Variants in FCGR1A observed in about 807,000 individuals in gnomAD.
FCGR1A encodes the protein high affinity immunoglobulin gamma Fc receptor I.
FCGR1A carries 13 observed loss-of-function variants against 35.0 expected under a neutral mutation model. That is an observed-to-expected ratio of 0.37 (90% confidence interval 0.24 to 0.59). The LOEUF is 0.59. Among genes scored for constraint, FCGR1A ranks in the 20% least tolerant of loss-of-function variants. The pLI is 0.71. For synonymous variants in FCGR1A, 91 were observed against 164.7 expected (o/e 0.55, Z 3.43); for missense variants, 227 against 430.0 (o/e 0.53, Z 4.17).
rs1553751577 is a variant in FCGR1A at position 149,790,252 on chromosome 1, A to T, written c.758A>T (p.Glu253Val). Reference sequence around the variant, plus strand: ...TACCAAATACTAACTGCTAGAAGAGAAGACTCTGGGTTATACTGGTGCGAG... The same window carrying T: ...TACCAAATACTAACTGCTAGAAGAGTAGACTCTGGGTTATACTGGTGCGAG... The part of the protein sequence containing the change: ...SEYQILTARR[E>V]DSGLYWCEAA... The change falls in exon 5 of 6, where the codon GAA (glutamate) becomes GTA (valine). Residue 253 changes from glutamate to valine, a missense_variant. Around this residue, in one of 3 missense-constraint regions of FCGR1A, gnomAD observed 185 missense variants for 306.6 expected, o/e 0.60. Coordinates refer to ENST00000369168, the MANE Select transcript of FCGR1A (RefSeq NM_000566.4). 1 of 1,605,710 alleles carries T rather than the reference A, an allele frequency of 6.2e-7. No individual in the cohort carries two copies. The highest frequency in any genetic ancestry group is 1.7e-5 in the Admixed American group (1 of 58,700).
downstream of FCGR1A, chr1:149,794,058 C>G (rs1553752538): frequency 1.8e-6 from 1 of 547,794 alleles, no homozygotes; most frequent in African/African-American, 1.9e-5. Context: ...CTCACTGCCA[C>G]CAGGCTTAGT....
intron 3 of FCGR1A, chr1:149,786,018 T>C (rs1255132168): frequency 6.6e-6 from 1 of 152,134 alleles, no homozygotes; most frequent in Non-Finnish European, 1.5e-5. Context: ...TTTCCCATTC[T>C]GCTGAGGGGC....
downstream of FCGR1A, chr1:149,794,006 T>G (rs1189433011): frequency 1.3e-6 from 1 of 799,962 alleles, no homozygotes; most frequent in African/African-American, 1.8e-5. Context: ...CCAGACAGAA[T>G]GGAGGTATAG....
chr1:149,785,879 T>C (rs2091536288), intron 3 of FCGR1A: 1 of 152,112 alleles, frequency 6.6e-6, no homozygotes, highest in Non-Finnish European at 1.5e-5. Flanking sequence ...GAACTTCATA[T>C]AAAGGGCTAC....
downstream of FCGR1A, chr1:149,793,260 C>T (rs1170462657): frequency 4.0e-6 from 5 of 1,244,922 alleles, no homozygotes; most frequent in East Asian, 7.3e-5. Flanking sequence ...AGGGAGGGAG[C>T]GGGTGGGGAG....
At chr1:149,790,370 A>C (rs1553751641) in intron 5 of FCGR1A, 32 bp downstream of exon 5, 3 of 1,567,354 alleles carry the variant, frequency 1.9e-6, no homozygotes, top group Non-Finnish European at 2.6e-6. Context: ...CCACTGGCAC[A>C]GAAGAAGGGA....
chr1:149,786,952 A>C (rs1190158029), intron 3 of FCGR1A: 8 of 152,150 alleles, frequency 5.3e-5, no homozygotes, highest in Non-Finnish European at 8.8e-5. Context: ...GTGTTTGAAA[A>C]GCATATGAAT....
At chr1:149,796,950 T>C in the FCGR1A span, among the ~76,000 whole-genome samples, 5,658 of 152,312 alleles carry the variant, frequency 0.037, 147 homozygotes, top group East Asian at 0.067. Flanking sequence ...TTTCGTTGTG[T>C]CACCCAGGCT....
chr1:149,784,202 G>A lies in FCGR1A; in HGVS notation c.252G>A (p.Arg84=). 6.2e-7 allele frequency: 1 copy of A among 1,611,344 alleles called. No individual in the cohort carries two copies. The highest frequency in any genetic ancestry group is 1.1e-5 in the South Asian group (1 of 90,968). ...SASVNDSGEY[R]CQRGLSGRSD... ...GTGTCAATGACAGTGGTGAATACAG[G>A]TGCCAGAGAGGTCTCTCAGGGCGAA... The change falls in exon 3 of 6, where the codon AGG becomes AGA. Residue 84 remains arginine (R), a synonymous_variant. Transcript: ENST00000369168.
chr1:149,792,594 C>A, downstream of FCGR1A: 1 of 1,204,010 alleles, frequency 8.3e-7, no homozygotes. Context: ...GAGCGTGTCC[C>A]GCGGCGGGCC....
chr1:149,793,111 C>G (rs1553752354), downstream of FCGR1A: 1 of 1,274,080 alleles, frequency 7.8e-7, no homozygotes, highest in Non-Finnish European at 1.0e-6. Context: ...GGGGATGCTG[C>G]CGGCCTCAGG....
downstream of FCGR1A, chr1:149,791,697 C>G: frequency 1.1e-6 from 1 of 901,768 alleles, no homozygotes; most frequent in Middle Eastern, 3.6e-4. Context: ...ATGTGGTCAT[C>G]AAAGATGACT....
intron 2 of FCGR1A, chr1:149,783,611 C>T: frequency 1.0e-5 from 1 of 97,694 alleles, no homozygotes; most frequent in Non-Finnish European, 1.7e-5. Flanking sequence ...TTTGAACCTC[C>T]GTTTCCAATG....
At chr1:149,793,331 G>A (rs1417633430), downstream of FCGR1A, 55 of 1,147,276 alleles carry the variant, frequency 4.8e-5, no homozygotes, top group Non-Finnish European at 5.6e-5. Flanking sequence ...TTCCCTCACC[G>A]TCAAAAGCAG....
the FCGR1A span, among the ~76,000 whole-genome samples, chr1:149,798,942 T>C: frequency 6.7e-6 from 1 of 149,986 alleles, no homozygotes; most frequent in Non-Finnish European, 1.5e-5. Flanking sequence ...AGTAATAATA[T>C]CTATATCCTA....
At chr1:149,800,115 G>A in the FCGR1A span, among the ~76,000 whole-genome samples, 2 of 151,998 alleles carry the variant, frequency 1.3e-5, no homozygotes, top group Non-Finnish European at 2.9e-5. Flanking sequence ...TAATTTGCTA[G>A]AGCAGTTCAT....
rs781945113 is a variant in FCGR1A at position 149,791,540 on chromosome 1, C to T, written c.*23C>T. 2.7e-5 allele frequency: 43 copies of T among 1,610,064 alleles called. No individual in the cohort carries two copies. In the African/African-American group the frequency reaches 4.4e-4, roughly 17 times the overall value. ...TAGCAGCGGCTCAGTGGGTGGCCAT[C>T]GATCTGGACCGTCCCCTGCCCACTT... On this transcript the variant is annotated 3_prime_UTR_variant, in exon 6 of 6. Coordinates refer to ENST00000369168, the MANE Select transcript of FCGR1A (RefSeq NM_000566.4).
At chr1:149,798,612 C>T in the FCGR1A span, among the ~76,000 whole-genome samples, 4 of 148,878 alleles carry the variant, frequency 2.7e-5, no homozygotes, top group Non-Finnish European at 6.0e-5. Flanking sequence ...ATTTTTAAAC[C>T]GACTTTAAAA....
Position 149,785,482 on chromosome 1 carries a change from T to G in FCGR1A, c.307+1225T>G, listed in dbSNP as rs1437884263. ...CCCAGGCTGGAATGCAGTGGTGTGATCTTGGCTCACTGCAACCTCTGACAG... is the reference window on the plus strand; with the variant it reads ...CCCAGGCTGGAATGCAGTGGTGTGAGCTTGGCTCACTGCAACCTCTGACAG... On this transcript the variant is annotated intron_variant, in intron 3 of 5. Coordinates refer to ENST00000369168, the MANE Select transcript of FCGR1A (RefSeq NM_000566.4). 2.1e-5 allele frequency among the ~76,000 whole-genome samples: 3 copies of G among 144,116 alleles called. No homozygotes were observed. In the East Asian group the frequency reaches 6.1e-4, roughly 30 times the overall value. The allele number at this position is 144,116 out of a possible 152,430, so 94.5% of individuals were successfully genotyped here.
Sources: allele counts gnomAD v4.1 joint callset (sites outside exome capture counted in the v4.1 genomes callset), GRCh38; gene constraint gnomAD v4.1.1; regional missense constraint gnomAD v4.1.1; transcripts MANE v1.5; gene names NCBI Gene and HGNC (gene_info 2026-07-23, HGNC 2026-07-21).